R3HDM1: variants seen among roughly 807,000 people sequenced by gnomAD.
R3HDM1 encodes the protein R3H domain containing 1.
Under a neutral mutation model 141.1 loss-of-function variants are expected in R3HDM1, and 46 were observed. The observed-to-expected ratio is 0.33, with a 90% CI of 0.26 to 0.42. The LOEUF (loss-of-function observed/expected upper bound fraction) is 0.42, where lower values mean the gene tolerates loss of function less well. R3HDM1 is among the 10% of genes least tolerant of loss of function. R3HDM1 has a pLI of 1.00. For missense variants in R3HDM1, 1,184 were observed against 1,368.3 expected, an observed-to-expected ratio of 0.87 and a Z score of 2.12; for synonymous variants, 435 against 472.9, an observed-to-expected ratio of 0.92 and a Z score of 1.04.
intron 1 of R3HDM1, among the ~76,000 whole-genome samples, chr2:135,555,599 C>T (rs1700599564): frequency 6.6e-6 from 1 of 152,080 alleles, no homozygotes. Context: ...TATGACCAAA[C>T]AAAACTGTAC....
intron 1 of R3HDM1, among the ~76,000 whole-genome samples, chr2:135,563,568 A>G (rs1386680502): frequency 1.3e-5 from 2 of 152,182 alleles, no homozygotes; most frequent in African/African-American, 4.8e-5. Context: ...CATAACAACT[A>G]TCTTTGTAGG....
intron 1 of R3HDM1, among the ~76,000 whole-genome samples, chr2:135,552,809 G>A (rs1700073646): frequency 6.6e-6 from 1 of 152,108 alleles, no homozygotes; most frequent in Non-Finnish European, 1.5e-5. Context: ...GTGCAAACCA[G>A]GACATATTTT....
intron 21 of R3HDM1, among the ~76,000 whole-genome samples, chr2:135,703,852 C>CA (rs1286886918): frequency 1.2e-4 from 18 of 152,050 alleles, no homozygotes; most frequent in African/African-American, 3.9e-4. Flanking sequence ...ACCCTCACCA[C>CA]AAAAAATATA....
chr2:135,692,772 T>G (rs576348303), intron 21 of R3HDM1, among the ~76,000 whole-genome samples: 1 of 152,170 alleles, frequency 6.6e-6, no homozygotes, highest in Non-Finnish European at 1.5e-5. Flanking sequence ...TATCGTATTA[T>G]GTGCATCAGG....
chr2:135,696,407 A>G (rs963710880), intron 21 of R3HDM1, among the ~76,000 whole-genome samples: 9 of 152,204 alleles, frequency 5.9e-5, no homozygotes, highest in African/African-American at 2.2e-4. Context: ...TATGGTGTGC[A>G]TATACATAAA....
intron 21 of R3HDM1, among the ~76,000 whole-genome samples, chr2:135,681,255 C>T (rs575624751): frequency 1.3e-5 from 2 of 152,212 alleles, no homozygotes; most frequent in East Asian, 3.9e-4. Flanking sequence ...ATTCTGCCTG[C>T]GTATAGCAAG....
intron 1 of R3HDM1, among the ~76,000 whole-genome samples, chr2:135,544,045 A>C (rs567790136): frequency 9.5e-4 from 145 of 152,352 alleles, no homozygotes; most frequent in African/African-American, 3.1e-3. Context: ...CTTCATTTAT[A>C]AAATGAAGAT....
chr2:135,613,749 G>A (rs1350764610), intron 3 of R3HDM1, among the ~76,000 whole-genome samples: 1 of 152,178 alleles, frequency 6.6e-6, no homozygotes, highest in Admixed American at 6.5e-5. Context: ...CTGGGAGGCG[G>A]AAGTTGCAGT....
intron 15 of R3HDM1, among the ~76,000 whole-genome samples, chr2:135,644,445 C>T (rs1471567883): frequency 1.3e-5 from 2 of 152,056 alleles, no homozygotes; most frequent in Admixed American, 6.6e-5. Context: ...GCTGAGGTTG[C>T]AGTCAGCTGA....
intron 1 of R3HDM1, among the ~76,000 whole-genome samples, chr2:135,538,299 A>G (rs1482519489): frequency 1.3e-5 from 2 of 152,226 alleles, no homozygotes; most frequent in Non-Finnish European, 2.9e-5. Flanking sequence ...GGCACTTACC[A>G]TGAATGTGGC....
chr2:135,674,750 T>TA (rs954867567), intron 19 of R3HDM1, among the ~76,000 whole-genome samples: 2 of 152,156 alleles, frequency 1.3e-5, no homozygotes, highest in African/African-American at 2.4e-5. Context: ...AGAAATAATC[T>TA]AAAAAATTAC....
chr2:135,660,908 A>C (rs1010161153), intron 18 of R3HDM1, among the ~76,000 whole-genome samples: 4 of 151,894 alleles, frequency 2.6e-5, no homozygotes, highest in African/African-American at 9.7e-5. Flanking sequence ...ATATATAGTA[A>C]ATAGATATAT....
At chr2:135,545,407 G>T (rs75274703) in intron 1 of R3HDM1, among the ~76,000 whole-genome samples, 1 of 152,152 alleles carries the variant, frequency 6.6e-6, no homozygotes, top group South Asian at 2.1e-4. Context: ...GGAATGGAGC[G>T]TAGGGCCTGT....
chr2:135,537,676 A>ATTTTATTTT (rs1559078657), intron 1 of R3HDM1, among the ~76,000 whole-genome samples: 1 of 138,506 alleles, frequency 7.2e-6, no homozygotes. Context: ...ATTTTATTTT[A>ATTTTATTTT]CTTAGAGTCT....
chr2:135,680,476 CAT>C (rs1242095684), intron 21 of R3HDM1, 152 bp downstream of exon 21: 1 of 935,118 alleles, frequency 1.1e-6, no homozygotes, highest in Admixed American at 2.9e-5. Flanking sequence ...TACTTTTTAA[CAT>C]ATTTCTTTCG....
At chr2:135,722,080 T>G in intron 25 of R3HDM1, 74 bp downstream of exon 25, 1 of 1,417,912 alleles carries the variant, frequency 7.1e-7, no homozygotes, top group Non-Finnish European at 9.9e-7. Context: ...GGGGCAACCC[T>G]GAGCCCACCT....
chr2:135,692,560 C>T (rs1236654605), intron 21 of R3HDM1, among the ~76,000 whole-genome samples: 2 of 152,098 alleles, frequency 1.3e-5, no homozygotes, highest in Non-Finnish European at 2.9e-5. Context: ...CCATTGCACT[C>T]CAGCCTGGGC....
intron 1 of R3HDM1, among the ~76,000 whole-genome samples, chr2:135,568,546 C>T (rs1324434746): frequency 6.6e-6 from 1 of 151,794 alleles, no homozygotes; most frequent in African/African-American, 2.4e-5. Context: ...GACATGGTTT[C>T]ACCATGTTGG....
At chr2:135,598,783 G>T (rs1449473678) in intron 1 of R3HDM1, among the ~76,000 whole-genome samples, 2 of 152,098 alleles carry the variant, frequency 1.3e-5, no homozygotes, top group East Asian at 3.8e-4. Context: ...TGGTTTTGAT[G>T]GTAGTTGTTT....
Sources: gnomAD v4.1 joint callset for allele counts (sites outside exome capture counted in the v4.1 genomes callset) on GRCh38, gnomAD v4.1.1 for gene constraint, MANE v1.5 for transcripts, NCBI Gene and HGNC (gene_info 2026-07-23, HGNC 2026-07-21) for gene names.